Variants in USP50 observed in about 807,000 individuals in gnomAD.
USP50 encodes the protein ubiquitin specific peptidase 50.
In USP50, 37 loss-of-function variants were observed where a neutral mutation model predicts 39.2. That is an observed-to-expected ratio of 0.94 (90% CI 0.73 to 1.24). USP50 has a LOEUF of 1.24. USP50 is among the 50% of genes most tolerant of loss of function. The pLI is 0.00. For synonymous variants in USP50, 139 were observed against 144.5 expected, an observed-to-expected ratio of 0.96 and a Z score of 0.27; for missense variants, 374 against 398.2, an observed-to-expected ratio of 0.94 and a Z score of 0.52.
At chr15:50,546,314 G>C (rs1040849244) in intron 1 of USP50, among the ~76,000 whole-genome samples, 159 bp downstream of exon 1, 1 of 152,088 alleles carries the variant, frequency 6.6e-6, no homozygotes, top group Non-Finnish European at 1.5e-5. Context: ...TGTATTTATT[G>C]CCAAGATATT....
chr15:50,510,183 G>A (rs2052718968), intron 6 of USP50: 1 of 152,150 alleles, frequency 6.6e-6, no homozygotes. Context: ...AAGAGGCTGA[G>A]ACATTTGGTT....
chr15:50,533,062 T>A (rs146462420), intron 5 of USP50, among the ~76,000 whole-genome samples: 57 of 151,890 alleles, frequency 3.8e-4, no homozygotes, highest in African/African-American at 1.3e-3. Context: ...TCCCAGCGCT[T>A]TGGGAGACCA....
intron 6 of USP50, among the ~76,000 whole-genome samples, chr15:50,528,006 C>G (rs952241184): frequency 5.9e-5 from 9 of 151,438 alleles, no homozygotes; most frequent in African/African-American, 1.7e-4. Flanking sequence ...AGTTCTCTTT[C>G]GAAACCAACT....
intron 6 of USP50, chr15:50,511,608 T>C (rs1376734167): frequency 6.6e-6 from 1 of 152,234 alleles, no homozygotes; most frequent in African/African-American, 2.4e-5. Flanking sequence ...GAAGTACAGA[T>C]ACATGCTATG....
chr15:50,505,262 G>A (rs999960607), intron 6 of USP50: 2 of 152,054 alleles, frequency 1.3e-5, no homozygotes, highest in African/African-American at 4.8e-5. Flanking sequence ...CAGAGACAAA[G>A]AGAAAAAGCT....
intron 5 of USP50, among the ~76,000 whole-genome samples, chr15:50,534,541 A>G (rs1298939114): frequency 2.6e-5 from 4 of 152,210 alleles, no homozygotes; most frequent in African/African-American, 9.7e-5. Flanking sequence ...TCGATGGTCT[A>G]TATACATTAA....
At chr15:50,526,997 A>C (rs932088449) in intron 6 of USP50, among the ~76,000 whole-genome samples, 1 of 152,234 alleles carries the variant, frequency 6.6e-6, no homozygotes, top group Non-Finnish European at 1.5e-5. Context: ...AGAATCTAGC[A>C]AATGAAGAGC....
At chr15:50,497,954 G>A (rs1008181529), downstream of USP50, among the ~76,000 whole-genome samples, 1 of 152,246 alleles carries the variant, frequency 6.6e-6, no homozygotes, top group South Asian at 2.1e-4. Flanking sequence ...TACATGTTCA[G>A]ATTTCTCTTG....
rs775196739 is a variant in USP50 at position 50,543,731 on chromosome 15, G to A, written c.311C>T (p.Ser104Leu). 7.4e-6 allele frequency: 12 copies of A among 1,610,910 alleles called. No homozygotes were observed. In the Admixed American group the frequency reaches 2.0e-4, roughly 27 times the overall value. The change falls in exon 3 of 7, where the codon TCA (serine) becomes TTA (leucine). Residue 104 changes from serine (S) to leucine (L), a missense_variant. By Grantham distance (145) the Ser-to-Leu change is moderately radical. Transcript: ENST00000532404. The part of the protein sequence containing the change: ...YLMTDMWLGD[S>L]DCVSPEIFWS... The stretch of plus-strand genomic sequence containing the variant: ...GAATATTTCTGGTGAGACACAGTCT[G>A]AGTCTCCCAGCCACATGTCTGTCAT...
intron 3 of USP50, among the ~76,000 whole-genome samples, chr15:50,542,099 G>T (rs1025284481): frequency 2.0e-5 from 3 of 151,854 alleles, no homozygotes; most frequent in Admixed American, 2.0e-4. Flanking sequence ...AGGCAGCCTG[G>T]TGGAACTAGC....
In USP50 at chr15:50,529,794, C is replaced by T. The variant is rs1377417242; in HGVS notation, c.936+3G>A. ...TTACTTTTAACAGTTTGTTTTTACT[C>T]ACCACCACTGCACAGAGGTTGTATT... On this transcript the variant is annotated splice_donor_region_variant and intron_variant, in intron 6 of 6. Coordinates refer to ENST00000532404, the MANE Select transcript of USP50 (RefSeq NM_203494.5). The T allele has an allele frequency of 1.2e-6, 2 of 1,610,956 alleles. No homozygotes were observed. Among genetic ancestry groups the T allele is most frequent in the African/African-American group, 1.3e-5 (1 of 74,770 alleles).
intron 1 of USP50, 75 bp downstream of exon 1, chr15:50,546,398 T>C: frequency 6.6e-7 from 1 of 1,506,718 alleles, no homozygotes; most frequent in Non-Finnish European, 9.2e-7. Context: ...ATGCAGTGTG[T>C]GTCCCCTGAC....
rs1393348420 is a variant in USP50, at chr15:50,541,004, T to A, written c.660+45A>T. 5 of 1,473,324 alleles carry A rather than the reference T, an allele frequency of 3.4e-6. No individual in the cohort carries two copies. The Admixed American group carries it at 8.6e-5, about 25-fold the overall frequency. The allele number at this position is 1,473,324 out of a possible 1,614,324, so 91.3% of individuals were successfully genotyped here. Reference sequence around the variant, plus strand: ...AAACAGCCCCGAGAAAATCCGGGGCTGAGAGTATAGCGAGACAAAGTGTCC... The same window carrying A: ...AAACAGCCCCGAGAAAATCCGGGGCAGAGAGTATAGCGAGACAAAGTGTCC... On this transcript the variant is annotated intron_variant, in intron 4 of 6. Transcript: ENST00000532404.
At chr15:50,514,673 C>T (rs530085890) in intron 6 of USP50, among the ~76,000 whole-genome samples, 5 of 152,116 alleles carry the variant, frequency 3.3e-5, no homozygotes, top group Middle Eastern at 3.4e-3. Context: ...GGATTACAGG[C>T]GCATGCCACC....
intron 4 of USP50, among the ~76,000 whole-genome samples, chr15:50,539,978 C>T (rs1378042172): frequency 5.3e-5 from 8 of 152,228 alleles, no homozygotes; most frequent in East Asian, 1.9e-4. Context: ...CTTAGAGTGT[C>T]AGGAATTTCT....
chr15:50,523,611 C>T (rs574729565), intron 6 of USP50, among the ~76,000 whole-genome samples: 1 of 151,994 alleles, frequency 6.6e-6, no homozygotes, highest in African/African-American at 2.4e-5. Context: ...GAAGACTATA[C>T]GTATTGAAGA....
At chr15:50,496,084 G>GGTAA (rs745493878), downstream of USP50, 6 of 1,599,092 alleles carry the variant, frequency 3.8e-6, no homozygotes, top group Non-Finnish European at 4.3e-6. Flanking sequence ...GTACATTACA[G>GGTAA]GTAAGTTTAA....
chr15:50,495,492 G>GGGT (rs1555392712), intron 1 of USP50, among the ~76,000 whole-genome samples: 14 of 149,542 alleles, frequency 9.4e-5, no homozygotes, highest in African/African-American at 3.2e-4. Context: ...TTGGAGGGGG[G>GGGT]GGTCTCACTA....
Position 50,524,999 on chromosome 15 carries a change from T to C in USP50, c.936+4798A>G, listed in dbSNP as rs567391465. ...TACATGCCCATGCTCATTGCAGTAT[T>C]GTTCACAATAGTCAAGATATGGAAT... On this transcript the variant is annotated intron_variant, in intron 6 of 6. Transcript: ENST00000532404. Among the ~76,000 whole-genome samples the C allele has an allele frequency of 1.3e-3, 196 of 152,214 alleles. 3 individuals are homozygous for C. The highest frequency in any genetic ancestry group is 1.4e-3 in the Non-Finnish European group (94 of 68,038).
Sources: gnomAD v4.1 joint callset for allele counts (sites outside exome capture counted in the v4.1 genomes callset) on GRCh38, gnomAD v4.1.1 for gene constraint, MANE v1.5 for transcripts, NCBI Gene and HGNC (gene_info 2026-07-23, HGNC 2026-07-21) for gene names.